The following ATAD2B variants were observed in gnomAD, a reference collection of about 807,000 sequenced individuals.
The protein encoded by ATAD2B is ATPase family AAA domain-containing protein 2B.
ATAD2B carries 40 observed loss-of-function variants against 167.6 expected under a neutral mutation model. That is an observed-to-expected ratio of 0.24 (90% CI 0.19 to 0.31). The LOEUF is 0.31. Ranked by LOEUF, ATAD2B falls within the 10% of genes least tolerant of loss-of-function variation. The probability of loss-of-function intolerance (pLI) is 1.00; values close to 1 mark genes in which losing one functional copy is unlikely to be tolerated. For missense variants in ATAD2B, 1,242 were observed against 1,757.2 expected, an observed-to-expected ratio of 0.71 and a Z score of 5.24; for synonymous variants, 579 against 596.5, an observed-to-expected ratio of 0.97 and a Z score of 0.43.
the ATAD2B span, among the ~76,000 whole-genome samples, chr2:23,735,555 G>T: frequency 6.6e-6 from 1 of 152,164 alleles, no homozygotes; most frequent in Non-Finnish European, 1.5e-5. Flanking sequence ...TCCATGGCTT[G>T]AAGCTCATCA....
Position 23,869,649 on chromosome 2 carries a change from C to G in ATAD2B, c.1076+14G>C, listed in dbSNP as rs1384054522. 1 of 1,529,308 alleles carries G rather than the reference C, an allele frequency of 6.5e-7. No individual in the cohort carries two copies. Among genetic ancestry groups the G allele is most frequent in the Non-Finnish European group, 8.9e-7 (1 of 1,125,914 alleles). The allele number at this position is 1,529,308 out of a possible 1,614,324, so 94.7% of individuals were successfully genotyped here. A position where few individuals can be genotyped will look rare whatever the true frequency, so the allele number is the denominator to read the frequency against. ...TTTTTCTACCATGGAAATAACATTACAAATTTTACTAACCTATTTCTTGCT... is the reference window on the plus strand; with the variant it reads ...TTTTTCTACCATGGAAATAACATTAGAAATTTTACTAACCTATTTCTTGCT... On this transcript the variant is annotated intron_variant, in intron 9 of 27. Coordinates refer to ENST00000238789, the MANE Select transcript of ATAD2B (RefSeq NM_017552.4).
chr2:23,823,602 ACATT>A (rs754451571), intron 15 of ATAD2B, 33 bp from the exon 16 acceptor site: 3 of 1,575,156 alleles, frequency 1.9e-6, no homozygotes, highest in Non-Finnish European at 8.7e-7. Context: ...TAGCAAAGGT[ACATT>A]CATTATTCCA....
chr2:23,754,335 G>A, intron 26 of ATAD2B, 28 bp from the exon 27 acceptor site: 1 of 1,528,824 alleles, frequency 6.5e-7, no homozygotes, highest in Non-Finnish European at 8.8e-7. Flanking sequence ...AGAATAAAAT[G>A]TAATTTGATT....
the ATAD2B span, among the ~76,000 whole-genome samples, chr2:23,700,639 C>CT: frequency 6.6e-6 from 1 of 152,370 alleles, no homozygotes; most frequent in South Asian, 2.1e-4. This position sits in a 1 kb window ranked among gnomAD's most constrained non-coding sequence, Gnocchi z 4.6. Context: ...ATTGACCCCT[C>CT]TCAGCTCCGG....
At chr2:23,781,339 A>AATAG (rs1680017303) in intron 22 of ATAD2B, among the ~76,000 whole-genome samples, 1 of 123,136 alleles carries the variant, frequency 8.1e-6, no homozygotes, top group Non-Finnish European at 1.6e-5. Flanking sequence ...CAAAAAAATA[A>AATAG]ATAAATAAAT....
At chr2:23,820,607 T>C (rs1361364111) in intron 16 of ATAD2B, among the ~76,000 whole-genome samples, 1 of 152,204 alleles carries the variant, frequency 6.6e-6, no homozygotes. Flanking sequence ...GTGTACGGGA[T>C]ATGAGAGAGA....
At chr2:23,701,041 T>TGA in the ATAD2B span, among the ~76,000 whole-genome samples, 1 of 148,760 alleles carries the variant, frequency 6.7e-6, no homozygotes, top group Non-Finnish European at 1.5e-5. Context: ...TATCTGACTG[T>TGA]CTGCTGCACA....
chr2:23,872,237 T>G, intron 8 of ATAD2B: 1 of 395,494 alleles, frequency 2.5e-6, no homozygotes, highest in Non-Finnish European at 4.9e-6. Flanking sequence ...CAGGCTGGAG[T>G]GAAGTGACAC....
At chr2:23,903,293 A>C (rs974918151) in intron 1 of ATAD2B, among the ~76,000 whole-genome samples, 1 of 144,666 alleles carries the variant, frequency 6.9e-6, no homozygotes, top group Admixed American at 7.0e-5. Flanking sequence ...CTTCTATAGA[A>C]GTGGGAATAT....
At chr2:23,899,217 G>T (rs774882941) in intron 1 of ATAD2B, among the ~76,000 whole-genome samples, 1 of 151,642 alleles carries the variant, frequency 6.6e-6, no homozygotes, top group African/African-American at 2.4e-5. Context: ...CGAGGGTGAG[G>T]TGGGAGGATC....
chr2:23,709,758 G>A, the ATAD2B span, among the ~76,000 whole-genome samples: 1 of 152,146 alleles, frequency 6.6e-6, no homozygotes, highest in Non-Finnish European at 1.5e-5. Flanking sequence ...TATTTGCAGT[G>A]ATACCTTCAG....
chr2:23,709,144 C>T, the ATAD2B span, among the ~76,000 whole-genome samples: 1 of 152,098 alleles, frequency 6.6e-6, no homozygotes, highest in Non-Finnish European at 1.5e-5. Flanking sequence ...CGGGTTCAAG[C>T]GATTCTCCTG....
intron 18 of ATAD2B, among the ~76,000 whole-genome samples, chr2:23,808,032 A>G (rs1391368882): frequency 1.5e-4 from 6 of 41,238 alleles, no homozygotes; most frequent in African/African-American, 5.7e-4. Flanking sequence ...TTTATTATAT[A>G]TGTAATTTAT....
Position 23,917,661 on chromosome 2 carries a change from T to A in ATAD2B, c.216+8894A>T, listed in dbSNP as rs558815697. Among the ~76,000 whole-genome samples the A allele has an allele frequency of 1.1e-4, 16 of 151,902 alleles. No individual in the cohort carries two copies. The South Asian group carries it at 2.9e-3, about 28-fold the overall frequency. ...ACTGAGAAGAGCCAGGTGCAGTGGCTCATACCTGTAATCCCAGCTACTCGG... is the reference window on the plus strand; with the variant it reads ...ACTGAGAAGAGCCAGGTGCAGTGGCACATACCTGTAATCCCAGCTACTCGG... On this transcript the variant is annotated intron_variant, in intron 1 of 27. Coordinates refer to ENST00000238789, the MANE Select transcript of ATAD2B (RefSeq NM_017552.4).
chr2:23,754,736 C>G lies in ATAD2B; in HGVS notation c.4117G>C (p.Glu1373Gln). 2 of 1,612,654 alleles carry G rather than the reference C, an allele frequency of 1.2e-6. No homozygotes were observed. Among genetic ancestry groups the G allele is most frequent in the Non-Finnish European group, 1.7e-6 (2 of 1,179,130 alleles). The change falls in exon 26 of 28, where the codon GAG (glutamate) becomes CAG (glutamine). Residue 1373 changes from glutamate (E) to glutamine (Q), a missense_variant. Glu to Gln is a conservative substitution (Grantham distance 29). Transcript: ENST00000238789. ...KVKKYRKLIL[E>Q]QAKTTSLELV... is the part of the protein sequence containing the mutation. ...TCCAGGCTTGTCGTTTTTGCCTGCT[C>G]TAAAATTAATTTACGGTATTTCTTT... is the stretch of plus-strand genomic sequence containing the variant.
At chr2:23,763,150 T>G (rs1250412870) in intron 23 of ATAD2B, among the ~76,000 whole-genome samples, 1 of 152,198 alleles carries the variant, frequency 6.6e-6, no homozygotes, top group Admixed American at 6.5e-5. Context: ...TCTTATAGAT[T>G]CCCTATCTAG....
chr2:23,869,528 A>G, intron 9 of ATAD2B, 135 bp downstream of exon 9: 1 of 644,124 alleles, frequency 1.6e-6, no homozygotes, highest in East Asian at 2.8e-5. Flanking sequence ...AAGAAAAGCT[A>G]AGTAGAAACC....
In ATAD2B at chr2:23,903,052, T is replaced by C. The variant is rs143858540; in HGVS notation, c.217-7082A>G. Among the ~76,000 whole-genome samples, 509 of 152,008 alleles carry C rather than the reference T, an allele frequency of 3.3e-3. 4 individuals carry two copies. The highest frequency in any genetic ancestry group is 5.2e-3 in the Non-Finnish European group (353 of 67,972). On this transcript the variant is annotated intron_variant, in intron 1 of 27. Transcript: ENST00000238789. ...GAGTTCGAGCCCAGCCTGGGCAAAA[T>C]GGCAAGACCGTGTCTCTACAAAAAT...
intron 1 of ATAD2B, among the ~76,000 whole-genome samples, chr2:23,908,010 G>A (rs184586202): frequency 0.064 from 9,668 of 151,294 alleles, 400 homozygotes; most frequent in African/African-American, 0.12. Flanking sequence ...AAAGACTTAA[G>A]CGTTAGACCT....
Sources: gnomAD v4.1 joint callset for allele counts (sites outside exome capture counted in the v4.1 genomes callset) on GRCh38, gnomAD v4.1.1 for gene constraint, Gnocchi (gnomAD v3.1) non-coding constraint, MANE v1.5 for transcripts, NCBI Gene and HGNC (gene_info 2026-07-23, HGNC 2026-07-21) for gene names.